The following GPC3 variants were observed in gnomAD, a reference collection of about 807,000 sequenced individuals.
The protein encoded by GPC3 is glypican 3, also known as glypican-3.
GPC3 carries 3 observed loss-of-function variants against 34.4 expected under a neutral mutation model. The ratio of observed to expected loss-of-function variants is 0.09; its 90% CI spans 0.04 to 0.23. The LOEUF is 0.23. GPC3 is among the 10% of genes least tolerant of loss of function. The pLI is 1.00. For missense variants in GPC3, 351 were observed against 445.6 expected, an observed-to-expected ratio of 0.79 and a Z score of 1.91; for synonymous variants, 177 against 174.0, an observed-to-expected ratio of 1.02 and a Z score of -0.13.
intron 5 of GPC3, among the ~76,000 whole-genome samples, chrX:133,684,092 G>GTAGAA (rs755376302): frequency 2.7e-5 from 3 of 112,195 alleles, no homozygotes; most frequent in Non-Finnish European, 5.6e-5. Context: ...CTAAGGCAAG[G>GTAGAA]TAGAATATGT....
rs1004535222 is a variant in GPC3, at chrX:133,897,873, T to G, written c.337+55177A>C. ...CCCTCCCATTTGTAACCGATGAGTA[T>G]TCACAAGGACAGGTGGGTAATGGAG... On this transcript the variant is annotated intron_variant, in intron 2 of 7. Transcript: ENST00000370818. Among the ~76,000 whole-genome samples, 2 of 111,784 alleles carry G rather than the reference T, an allele frequency of 1.8e-5. No individual in the cohort carries two copies. Among genetic ancestry groups the G allele is most frequent in the African/African-American group, 6.5e-5 (2 of 30,780 alleles).
chrX:133,791,851 C>T (rs7885813), intron 2 of GPC3, among the ~76,000 whole-genome samples: 12 of 83,715 alleles, frequency 1.4e-4, no homozygotes, highest in African/African-American at 5.6e-4. Context: ...CTTCCTTCCT[C>T]CCTCCCTCCC....
intron 2 of GPC3, among the ~76,000 whole-genome samples, chrX:133,934,652 T>C (rs1380427975): frequency 1.8e-5 from 2 of 109,282 alleles, no homozygotes; most frequent in East Asian, 2.9e-4. Context: ...GCTGGGACTA[T>C]AGGCATGTGC....
intron 3 of GPC3, among the ~76,000 whole-genome samples, chrX:133,738,782 C>T (rs1046642583): frequency 1.8e-5 from 2 of 112,020 alleles, no homozygotes; most frequent in Non-Finnish European, 3.8e-5. Flanking sequence ...GTGAAGACCA[C>T]TGTGAGTAGT....
At chrX:133,726,486 G>A (rs2071408561) in intron 3 of GPC3, among the ~76,000 whole-genome samples, 1 of 111,447 alleles carries the variant, frequency 9.0e-6, no homozygotes, top group African/African-American at 3.3e-5. Flanking sequence ...AATGTCTAAG[G>A]AGCAAACCAG....
At chrX:133,882,143 T>C (rs2076044447) in intron 2 of GPC3, among the ~76,000 whole-genome samples, 1 of 111,325 alleles carries the variant, frequency 9.0e-6, no homozygotes. Context: ...CAAATGAGGG[T>C]CTTCCCCTCC....
chrX:133,968,793 CTGTT>C (rs1205546844), intron 1 of GPC3, among the ~76,000 whole-genome samples: 1 of 89,968 alleles, frequency 1.1e-5, no homozygotes, highest in Non-Finnish European at 2.2e-5. Context: ...AATGTTTTTT[CTGTT>C]TGTTTTTGTT....
chrX:133,852,909 A>G (rs1168375590), intron 2 of GPC3, among the ~76,000 whole-genome samples: 1 of 104,091 alleles, frequency 9.6e-6, no homozygotes, highest in Non-Finnish European at 2.0e-5. Flanking sequence ...TATCAGGGAA[A>G]TTTAGGAGAA....
At chrX:133,763,302 C>T (rs1458841448) in intron 2 of GPC3, 12 of 563,483 alleles carry the variant, frequency 2.1e-5, no homozygotes, top group Non-Finnish European at 6.3e-6. Context: ...AGGGAGCTCA[C>T]TCAGTGGGTT....
At chrX:133,657,239 A>G (rs139187767) in intron 6 of GPC3, among the ~76,000 whole-genome samples, 1,214 of 111,970 alleles carry the variant, frequency 0.011, 19 homozygotes, top group African/African-American at 0.036. Flanking sequence ...TTTAGGGACT[A>G]CTAAATTAGC....
intron 2 of GPC3, among the ~76,000 whole-genome samples, chrX:133,919,737 G>A (rs939644617): frequency 9.1e-6 from 1 of 110,438 alleles, no homozygotes; most frequent in African/African-American, 3.3e-5. Flanking sequence ...TGATGCAGGA[G>A]GACTGCTTGA....
At chrX:133,720,000 G>A (rs763663898) in intron 3 of GPC3, among the ~76,000 whole-genome samples, 1 of 111,716 alleles carries the variant, frequency 9.0e-6, no homozygotes, top group Admixed American at 9.5e-5. Context: ...TTCAAACCAC[G>A]ATGAGATACC....
At chrX:133,587,308 C>A (rs7891016) in intron 7 of GPC3, among the ~76,000 whole-genome samples, 1 of 111,433 alleles carries the variant, frequency 9.0e-6, no homozygotes, top group Non-Finnish European at 1.9e-5. Flanking sequence ...TACTCCACGG[C>A]GTACATATAC....
intron 2 of GPC3, among the ~76,000 whole-genome samples, chrX:133,818,650 G>A (rs995446185): frequency 1.5e-4 from 17 of 111,714 alleles, no homozygotes; most frequent in African/African-American, 4.9e-4. Context: ...AATAGAATAT[G>A]TGTTATAATA....
chrX:133,552,452 A>G (rs2069443582), intron 7 of GPC3, among the ~76,000 whole-genome samples: 2 of 111,839 alleles, frequency 1.8e-5, no homozygotes, highest in South Asian at 7.6e-4. Context: ...ATTGACCAAG[A>G]CATAATTGTA....
chrX:133,889,516 G>T (rs1450725366), intron 2 of GPC3, among the ~76,000 whole-genome samples: 3 of 111,892 alleles, frequency 2.7e-5, no homozygotes, highest in Non-Finnish European at 5.6e-5. Context: ...CTCCAGTGCT[G>T]CTTGCAAGAT....
intron 6 of GPC3, among the ~76,000 whole-genome samples, chrX:133,624,305 G>A (rs1298012780): frequency 9.0e-6 from 1 of 111,409 alleles, no homozygotes; most frequent in Non-Finnish European, 1.9e-5. Context: ...AAATAACTAA[G>A]ATCAGAGCAG....
chrX:133,809,475 C>A (rs1000768351), intron 2 of GPC3, among the ~76,000 whole-genome samples: 1 of 111,109 alleles, frequency 9.0e-6, no homozygotes, highest in African/African-American at 3.3e-5. Flanking sequence ...TCCTTCCCAG[C>A]CTCCTAGTTG....
At chrX:133,961,992 G>T (rs896879242) in intron 1 of GPC3, among the ~76,000 whole-genome samples, 2 of 111,912 alleles carry the variant, frequency 1.8e-5, no homozygotes, top group African/African-American at 3.3e-5. Context: ...CCAAGAAAAT[G>T]GAGTAAGGGC....
Sources: gnomAD v4.1 joint callset for allele counts (sites outside exome capture counted in the v4.1 genomes callset) on GRCh38, gnomAD v4.1.1 for gene constraint, MANE v1.5 for transcripts, NCBI Gene and HGNC (gene_info 2026-07-23, HGNC 2026-07-21) for gene names.